LINGO2: variants seen among roughly 807,000 people sequenced by gnomAD.
LINGO2 encodes leucine rich repeat and Ig domain containing 2, also known as leucine-rich repeat and immunoglobulin-like domain-containing nogo receptor-interacting protein 2.
Under a neutral mutation model 30.6 loss-of-function variants are expected in LINGO2, and 14 were observed. The observed-to-expected ratio is 0.46, with a 90% CI of 0.30 to 0.72. The LOEUF is 0.72. Ranked by LOEUF, LINGO2 falls within the 30% of genes least tolerant of loss-of-function variation. The pLI is 0.07. For missense variants in LINGO2, 729 were observed against 751.7 expected (o/e 0.97, Z 0.35); for synonymous variants, 317 against 288.5 (o/e 1.10, Z -1.00).
At chr9:28,601,713 T>G (rs1825483995) in intron 1 of LINGO2, among the ~76,000 whole-genome samples, 1 of 152,102 alleles carries the variant, frequency 6.6e-6, no homozygotes, top group East Asian at 1.9e-4. Flanking sequence ...TTCTGAAAGA[T>G]AAAACTCCTG....
the LINGO2 span, among the ~76,000 whole-genome samples, chr9:29,023,903 A>C: frequency 6.6e-6 from 1 of 152,156 alleles, no homozygotes; most frequent in Non-Finnish European, 1.5e-5. Context: ...TAATATGTAT[A>C]ATACAGATCT....
the LINGO2 span, among the ~76,000 whole-genome samples, chr9:29,044,556 C>T: frequency 0.35 from 53,552 of 151,758 alleles, 9,579 homozygotes; most frequent in East Asian, 0.48. Flanking sequence ...CAAAACAATA[C>T]ATGCATTTAC....
At chr9:28,786,901 G>A in the LINGO2 span, among the ~76,000 whole-genome samples, 4 of 152,162 alleles carry the variant, frequency 2.6e-5, no homozygotes, top group Admixed American at 1.3e-4. Context: ...TCCTATTCCA[G>A]AGTTTAATTA....
chr9:28,631,125 AT>A (rs1172480273), intron 1 of LINGO2, among the ~76,000 whole-genome samples: 5 of 151,880 alleles, frequency 3.3e-5, no homozygotes, highest in Non-Finnish European at 7.4e-5. Context: ...TGCTACATTT[AT>A]TTATTTATTT....
At chr9:28,886,113 A>T in the LINGO2 span, among the ~76,000 whole-genome samples, 1 of 152,322 alleles carries the variant, frequency 6.6e-6, no homozygotes, top group South Asian at 2.1e-4. Flanking sequence ...AAATTTCCTA[A>T]ATTTTCATAA....
chr9:28,264,030 T>C (rs1180068055), intron 4 of LINGO2, among the ~76,000 whole-genome samples: 1 of 151,758 alleles, frequency 6.6e-6, no homozygotes, highest in East Asian at 1.9e-4. Context: ...TTTCAAGATA[T>C]ACCACGAGCT....
chr9:27,945,105 T>C (rs573546443), downstream of LINGO2, among the ~76,000 whole-genome samples: 9 of 152,176 alleles, frequency 5.9e-5, no homozygotes, highest in African/African-American at 1.9e-4. Flanking sequence ...CAGTGTTGAA[T>C]GGCTTCTGAG....
At chr9:28,109,331 AGC>A (rs1320784413) in intron 4 of LINGO2, among the ~76,000 whole-genome samples, 1 of 151,942 alleles carries the variant, frequency 6.6e-6, no homozygotes, top group African/African-American at 2.4e-5. Flanking sequence ...TTTGAAAACC[AGC>A]CAAGACAAGG....
chr9:28,743,990 T>C, the LINGO2 span, among the ~76,000 whole-genome samples: 1 of 151,546 alleles, frequency 6.6e-6, no homozygotes, highest in Non-Finnish European at 1.5e-5. Context: ...TTTGTTCATT[T>C]TTCTTTTTTT....
the LINGO2 span, among the ~76,000 whole-genome samples, chr9:28,873,156 G>T: frequency 6.6e-6 from 1 of 151,854 alleles, no homozygotes. Flanking sequence ...ATCACTTGAG[G>T]TCAGGAGTTC....
intron 1 of LINGO2, among the ~76,000 whole-genome samples, chr9:28,656,123 C>T (rs1323087036): frequency 6.6e-6 from 1 of 151,946 alleles, no homozygotes; most frequent in East Asian, 1.9e-4. Context: ...CCTGGCTGAC[C>T]TTCATGCTGA....
the LINGO2 span, among the ~76,000 whole-genome samples, chr9:28,834,849 C>T: frequency 2.6e-5 from 4 of 152,060 alleles, no homozygotes; most frequent in African/African-American, 4.8e-5. Flanking sequence ...AATCACTTGA[C>T]TTCAGTTGTC....
the LINGO2 span, among the ~76,000 whole-genome samples, chr9:28,938,414 C>T: frequency 4.6e-5 from 7 of 152,020 alleles, no homozygotes; most frequent in African/African-American, 1.7e-4. Context: ...TCTCTCTCTC[C>T]TTTTACATTT....
the LINGO2 span, among the ~76,000 whole-genome samples, chr9:28,877,916 C>G: frequency 1.3e-5 from 2 of 152,144 alleles, no homozygotes; most frequent in Non-Finnish European, 2.9e-5. Flanking sequence ...TTTGTATCCT[C>G]TTTTATTTCA....
At chr9:28,390,634 G>C (rs1465364185) in intron 2 of LINGO2, among the ~76,000 whole-genome samples, 2 of 151,250 alleles carry the variant, frequency 1.3e-5, no homozygotes, top group Non-Finnish European at 2.9e-5. Context: ...TGTAGCCCTT[G>C]ACAGATACTT....
chr9:28,804,326 G>C, the LINGO2 span, among the ~76,000 whole-genome samples: 1 of 152,080 alleles, frequency 6.6e-6, no homozygotes, highest in Non-Finnish European at 1.5e-5. Flanking sequence ...ACATTTGCAA[G>C]ACACACAAAC....
intron 1 of LINGO2, among the ~76,000 whole-genome samples, chr9:28,630,580 G>A (rs912450872): frequency 3.3e-5 from 5 of 152,006 alleles, no homozygotes; most frequent in African/African-American, 1.2e-4. Context: ...GTATCTATCA[G>A]ACTAACAACA....
chr9:29,059,938 G>A, the LINGO2 span, among the ~76,000 whole-genome samples: 2 of 152,002 alleles, frequency 1.3e-5, no homozygotes, highest in Admixed American at 1.3e-4. Flanking sequence ...CTGAATGGCA[G>A]GGTAAGCCCA....
chr9:28,766,503 T>C, the LINGO2 span, among the ~76,000 whole-genome samples: 1 of 150,830 alleles, frequency 6.6e-6, no homozygotes, highest in African/African-American at 2.4e-5. Context: ...ATAGCTATTA[T>C]GAAAAATAAT....
Sources: gnomAD v4.1 joint callset for allele counts (sites outside exome capture counted in the v4.1 genomes callset) on GRCh38, gnomAD v4.1.1 for gene constraint, MANE v1.5 for transcripts, NCBI Gene and HGNC (gene_info 2026-07-23, HGNC 2026-07-21) for gene names.